Variants in FAM20C observed in about 807,000 individuals in gnomAD.
The protein encoded by FAM20C is FAM20C golgi associated secretory pathway kinase, also known as extracellular serine/threonine protein kinase FAM20C.
Under a neutral mutation model 51.5 loss-of-function variants are expected in FAM20C, and 40 were observed. The ratio of observed to expected loss-of-function variants is 0.78; its 90% confidence interval spans 0.60 to 1.01. The LOEUF is 1.01. Ranked by LOEUF, FAM20C falls within the 50% of genes least tolerant of loss-of-function variation. The pLI, the probability that FAM20C is intolerant of heterozygous loss-of-function variation, is 0.00. For missense variants in FAM20C, 861 were observed against 844.7 expected (o/e 1.02, Z -0.24); for synonymous variants, 406 against 380.6 (o/e 1.07, Z -0.78).
intron 3 of FAM20C, chr7:228,529 G>A: frequency 2.2e-6 from 1 of 456,258 alleles, no homozygotes; most frequent in Non-Finnish European, 4.4e-6. Context: ...CACTGCCATG[G>A]GGGCTGTGGA....
chr7:255,197 C>T (rs904891127), intron 5 of FAM20C, among the ~76,000 whole-genome samples: 13 of 152,202 alleles, frequency 8.5e-5, no homozygotes, highest in East Asian at 3.9e-4. Flanking sequence ...GCCGTGTGCA[C>T]CCCCCGCCAG....
intron 3 of FAM20C, chr7:228,748 G>A (rs1318626088): frequency 6.6e-6 from 3 of 456,134 alleles, no homozygotes; most frequent in Non-Finnish European, 1.3e-5. Flanking sequence ...CCTCCACCAA[G>A]AGTGACCTGA....
rs528295387 is a variant in FAM20C at position 246,650 on chromosome 7, C to T, written c.956+143C>T. On this transcript the variant is annotated intron_variant, in intron 4 of 9. Coordinates refer to ENST00000313766, the MANE Select transcript of FAM20C (RefSeq NM_020223.4). ...AGCGCCGGTGCCTGCTCTCCCCCCA[C>T]CCCGAGTGCTGCCCTGAGCAGGGTC... The T allele has an allele frequency of 5.9e-6, 3 of 505,864 alleles. No homozygotes were observed. The East Asian group carries it at 9.9e-5, about 17-fold the overall frequency. The allele number at this position is 505,864 out of a possible 1,614,324, so 31.3% of individuals were successfully genotyped here.
chr7:215,165 A>T (rs1786899486), intron 3 of FAM20C, among the ~76,000 whole-genome samples: 1 of 151,120 alleles, frequency 6.6e-6, no homozygotes, highest in Non-Finnish European at 1.5e-5. Flanking sequence ...AGTGAAAGAG[A>T]AATGTACAAA....
At chr7:198,228 T>G (rs1032867401) in intron 2 of FAM20C, among the ~76,000 whole-genome samples, 5 of 152,110 alleles carry the variant, frequency 3.3e-5, no homozygotes, top group African/African-American at 1.2e-4. Context: ...CACAGCCGCA[T>G]CACCCAGGCA....
chr7:223,855 A>G (rs1787346584), intron 3 of FAM20C, among the ~76,000 whole-genome samples: 1 of 151,778 alleles, frequency 6.6e-6, no homozygotes, highest in African/African-American at 2.4e-5. Flanking sequence ...GAGAGACTCT[A>G]TGGGGTCCCC....
chr7:250,637 C>T lies in FAM20C; in HGVS notation c.1072+2207C>T, dbSNP rs535977691. Among the ~76,000 whole-genome samples the T allele has an allele frequency of 5.0e-4, 76 of 152,308 alleles. 3 individuals are homozygous for T. The South Asian group carries it at 0.015, about 30-fold the overall frequency. On this transcript the variant is annotated intron_variant, in intron 5 of 9. Coordinates refer to ENST00000313766, the MANE Select transcript of FAM20C (RefSeq NM_020223.4). ...CCAGGGCTTCCTAAGCACGCCTGAGCTCCGGCCGCTGTCAGCCCTTGGGTC... is the reference window on the plus strand; with the variant it reads ...CCAGGGCTTCCTAAGCACGCCTGAGTTCCGGCCGCTGTCAGCCCTTGGGTC...
chr7:211,784 A>G (rs1257539809), intron 3 of FAM20C, among the ~76,000 whole-genome samples: 2 of 152,192 alleles, frequency 1.3e-5, no homozygotes, highest in Non-Finnish European at 2.9e-5. Flanking sequence ...AAGGGAAAGG[A>G]TACGTCCAAG....
intron 2 of FAM20C, chr7:197,263 G>A (rs1471410261): frequency 6.0e-6 from 1 of 167,024 alleles, no homozygotes; most frequent in Non-Finnish European, 1.5e-5. Flanking sequence ...CACGCACAGT[G>A]CCCGATCCTG....
At chr7:201,498 C>A (rs971503354) in intron 2 of FAM20C, among the ~76,000 whole-genome samples, 1 of 152,206 alleles carries the variant, frequency 6.6e-6, no homozygotes, top group African/African-American at 2.4e-5. Flanking sequence ...TGTTGGGACC[C>A]CCAGGCCCGG....
intron 5 of FAM20C, among the ~76,000 whole-genome samples, chr7:252,815 C>A (rs879676403): frequency 6.6e-6 from 1 of 152,234 alleles, no homozygotes; most frequent in African/African-American, 2.4e-5. Context: ...GGGGCCGGGC[C>A]GCAGTCAGAG....
chr7:197,223 G>C (rs974389678), intron 2 of FAM20C: 2 of 166,992 alleles, frequency 1.2e-5, no homozygotes, highest in Non-Finnish European at 2.9e-5. Context: ...TGCTGCCTCT[G>C]TGGACCTGAC....
At chr7:207,547 C>T (rs1264496606) in intron 2 of FAM20C, among the ~76,000 whole-genome samples, 1 of 152,194 alleles carries the variant, frequency 6.6e-6, no homozygotes, top group Non-Finnish European at 1.5e-5. Flanking sequence ...GCCCAGGGCC[C>T]CCGCCCCGCT....
At position 256,047 on chromosome 7, in the gene FAM20C, G is replaced by A. The variant is rs1331837851; in HGVS notation, c.1253+18G>A. ...AAGGCCGAGTGAGTGCGGGGCCGGG[G>A]GGCTGGCGTCCGGCCACCCTACGGC... On this transcript the variant is annotated intron_variant, in intron 6 of 9. Transcript: ENST00000313766. 13 of 1,531,710 alleles carry A rather than the reference G, an allele frequency of 8.5e-6. No individual in the cohort carries two copies. The highest frequency in any genetic ancestry group is 4.1e-5 in the African/African-American group (3 of 72,886). The allele number at this position is 1,531,710 out of a possible 1,614,324, so 94.9% of individuals were successfully genotyped here. A position where few individuals can be genotyped will look rare whatever the true frequency, so the allele number is the denominator to read the frequency against.
intron 2 of FAM20C, among the ~76,000 whole-genome samples, chr7:203,239 GC>G (rs1223434439): frequency 1.3e-5 from 2 of 152,248 alleles, no homozygotes; most frequent in Non-Finnish European, 2.9e-5. Flanking sequence ...GGCACGGGAG[GC>G]TGCATCTGGG....
chr7:253,433 G>A (rs1448217049), intron 5 of FAM20C, among the ~76,000 whole-genome samples: 1 of 152,070 alleles, frequency 6.6e-6, no homozygotes, highest in Non-Finnish European at 1.5e-5. Context: ...ATTTCCTGGT[G>A]ACTGGAGGAG....
At chr7:247,232 T>C (rs1328157206) in intron 4 of FAM20C, among the ~76,000 whole-genome samples, 2 of 152,178 alleles carry the variant, frequency 1.3e-5, no homozygotes, top group African/African-American at 4.8e-5. Flanking sequence ...GAGGGTCAGC[T>C]TGGCCCTGCT....
At chr7:243,747 C>G (rs574003926) in intron 3 of FAM20C, among the ~76,000 whole-genome samples, 1 of 150,132 alleles carries the variant, frequency 6.7e-6, no homozygotes, top group East Asian at 2.0e-4. Flanking sequence ...CCTGTGCCAC[C>G]CGGGAGACCT....
chr7:253,784 TGGGCC>T (rs1415697113), intron 5 of FAM20C, among the ~76,000 whole-genome samples: 3 of 152,352 alleles, frequency 2.0e-5, no homozygotes, highest in Non-Finnish European at 4.4e-5. Context: ...GAAATGGCTG[TGGGCC>T]CGAGAAATGC....
Sources: allele counts gnomAD v4.1 joint callset (sites outside exome capture counted in the v4.1 genomes callset), GRCh38; gene constraint gnomAD v4.1.1; transcripts MANE v1.5; gene names NCBI Gene and HGNC (gene_info 2026-07-23, HGNC 2026-07-21).